PIWIL2: variants seen among roughly 807,000 people sequenced by gnomAD.
PIWIL2 encodes the protein piwi-like protein 2.
Under a neutral mutation model 116.5 loss-of-function variants are expected in PIWIL2, and 81 were observed. That is an observed-to-expected ratio of 0.70 (90% CI 0.58 to 0.84). The LOEUF is 0.84. Among genes scored for constraint, PIWIL2 ranks in the 40% least tolerant of loss-of-function variants. PIWIL2 has a pLI of 0.00. For missense variants in PIWIL2, 1,272 were observed against 1,212.3 expected (o/e 1.05, Z -0.73); for synonymous variants, 489 against 429.5 (o/e 1.14, Z -1.71).
chr8:22,294,020 G>A (rs73225898), intron 10 of PIWIL2, among the ~76,000 whole-genome samples: 4,728 of 152,194 alleles, frequency 0.031, 112 homozygotes, highest in African/African-American at 0.067. Flanking sequence ...GAAAAATATG[G>A]CATGTCTTTC....
At chr8:22,280,717 C>T (rs576359024) in intron 2 of PIWIL2, among the ~76,000 whole-genome samples, 1 of 152,136 alleles carries the variant, frequency 6.6e-6, no homozygotes, top group African/African-American at 2.4e-5. Context: ...AATGTATTAA[C>T]CAGTACACTT....
At chr8:22,277,862 T>C (rs1030105118) in intron 1 of PIWIL2, among the ~76,000 whole-genome samples, 1 of 152,190 alleles carries the variant, frequency 6.6e-6, no homozygotes, top group Admixed American at 6.5e-5. Context: ...ATGATATGGC[T>C]GTGTTAACTA....
intron 10 of PIWIL2, among the ~76,000 whole-genome samples, chr8:22,290,975 T>TATATATATATATATATATATATATATA (rs947701007): frequency 1.1e-4 from 17 of 149,498 alleles, no homozygotes; most frequent in East Asian, 1.9e-4. Flanking sequence ...TGTATATATA[T>TATATATATATATATATATATATATATA]TTTTTTTAAT....
chr8:22,353,278 A>T, intron 21 of PIWIL2, 66 bp downstream of exon 21: 1 of 1,411,772 alleles, frequency 7.1e-7, no homozygotes, highest in Non-Finnish European at 9.8e-7. Flanking sequence ...TTTCCTGAGT[A>T]TTGGAATGGG....
intron 20 of PIWIL2, among the ~76,000 whole-genome samples, chr8:22,338,157 A>G (rs1282316380): frequency 1.3e-5 from 2 of 152,170 alleles, no homozygotes; most frequent in East Asian, 3.9e-4. Flanking sequence ...GGATTGGAAG[A>G]CAATATTGTT....
intron 20 of PIWIL2, among the ~76,000 whole-genome samples, chr8:22,352,595 C>T (rs1384128900): frequency 6.6e-6 from 1 of 152,068 alleles, no homozygotes; most frequent in South Asian, 2.1e-4. Flanking sequence ...TTCTTTGCCC[C>T]GACAGTTATT....
rs761978721 is a variant in PIWIL2, at chr8:22,316,238, A to G, written c.2209-7A>G. 14 of 1,600,504 alleles carry G rather than the reference A, an allele frequency of 8.7e-6. No individual in the cohort carries two copies. In the Admixed American group the frequency reaches 2.2e-4, roughly 25 times the overall value. On this transcript the variant is annotated splice_region_variant and splice_polypyrimidine_tract_variant and intron_variant, in intron 18 of 22. Coordinates refer to ENST00000356766, the MANE Select transcript of PIWIL2 (RefSeq NM_018068.5). ...GGTTTGGTTTTTGTTTTTGTTTTCT[A>G]AACTAGAAACAGTTAATGGTGATCG...
chr8:22,318,767 A>G (rs1038497769), intron 20 of PIWIL2, among the ~76,000 whole-genome samples: 6 of 152,362 alleles, frequency 3.9e-5, no homozygotes, highest in Admixed American at 3.9e-4. Flanking sequence ...CAGCTTGTAC[A>G]GATCAGCTTA....
At chr8:22,309,860 T>C (rs1021261812) in intron 14 of PIWIL2, 101 bp from the exon 15 acceptor site, 34 of 657,528 alleles carry the variant, frequency 5.2e-5, no homozygotes, top group Non-Finnish European at 8.3e-5. Flanking sequence ...CAGGGACAAG[T>C]GTCTGTGGTG....
intron 1 of PIWIL2, among the ~76,000 whole-genome samples, chr8:22,276,690 C>T (rs923774784): frequency 6.6e-6 from 1 of 152,098 alleles, no homozygotes; most frequent in Non-Finnish European, 1.5e-5. Context: ...CACTTGAGGT[C>T]AGCAGTTTGA....
chr8:22,277,771 G>GA (rs369424018), intron 1 of PIWIL2, among the ~76,000 whole-genome samples: 7 of 152,256 alleles, frequency 4.6e-5, no homozygotes, highest in African/African-American at 1.7e-4. Context: ...TCATAGACTG[G>GA]AAAAAAGTTA....
chr8:22,335,543 CTTTTTTTTT>C (rs59166171), intron 20 of PIWIL2, among the ~76,000 whole-genome samples: 1 of 92,220 alleles, frequency 1.1e-5, no homozygotes, highest in African/African-American at 3.8e-5. Context: ...ACAAAATAGA[CTTTTTTTTT>C]TTTTTTTTTT....
chr8:22,337,447 G>A (rs1439940989), intron 20 of PIWIL2, among the ~76,000 whole-genome samples: 2 of 152,100 alleles, frequency 1.3e-5, no homozygotes, highest in African/African-American at 2.4e-5. Flanking sequence ...AAAGATACTA[G>A]GCCAGGCACA....
chr8:22,351,455 ATATAT>A (rs1832356570), intron 20 of PIWIL2, among the ~76,000 whole-genome samples: 1 of 79,714 alleles, frequency 1.3e-5, no homozygotes, highest in Non-Finnish European at 2.3e-5. Flanking sequence ...ATATATATAT[ATATAT>A]ATATATATAT....
At position 22,318,062 on chromosome 8, in the gene PIWIL2, T is replaced by A. The variant is rs190102388; in HGVS notation, c.2298-108T>A. The A allele has an allele frequency of 6.4e-4, 414 of 641,872 alleles. 4 individuals carry two copies. The highest frequency in any genetic ancestry group is 1.1e-3 in the South Asian group (56 of 50,006). The allele number at this position is 641,872 out of a possible 1,614,324, so 39.8% of individuals were successfully genotyped here. On this transcript the variant is annotated intron_variant, in intron 19 of 22. Transcript: ENST00000356766. ...AATGCATTTTCTAGGTACTTGTTTTTGGATTGATTGGTAGAGAAACCTGTG... is the reference window on the plus strand; with the variant it reads ...AATGCATTTTCTAGGTACTTGTTTTAGGATTGATTGGTAGAGAAACCTGTG...
At chr8:22,306,279 G>C (rs765695209) in intron 13 of PIWIL2, among the ~76,000 whole-genome samples, 1 of 152,096 alleles carries the variant, frequency 6.6e-6, no homozygotes, top group African/African-American at 2.4e-5. Context: ...AAAATAAGAA[G>C]AAACAAACAA....
chr8:22,344,825 G>A (rs1478585618), intron 20 of PIWIL2, among the ~76,000 whole-genome samples: 1 of 152,114 alleles, frequency 6.6e-6, no homozygotes, highest in South Asian at 2.1e-4. Flanking sequence ...GCAGTGAGCC[G>A]TGATTGTGCC....
chr8:22,335,253 G>C (rs1831953777), intron 20 of PIWIL2, among the ~76,000 whole-genome samples: 1 of 152,124 alleles, frequency 6.6e-6, no homozygotes, highest in Non-Finnish European at 1.5e-5. Context: ...TAGATGTAAA[G>C]ATCACCTTAT....
intron 10 of PIWIL2, among the ~76,000 whole-genome samples, chr8:22,290,798 C>T (rs1008983119): frequency 2.6e-5 from 4 of 151,622 alleles, no homozygotes; most frequent in East Asian, 3.9e-4. Context: ...ATATATGTGC[C>T]CTCGTCTCTA....
Sources: gnomAD v4.1 joint callset for allele counts (sites outside exome capture counted in the v4.1 genomes callset) on GRCh38, gnomAD v4.1.1 for gene constraint, MANE v1.5 for transcripts, NCBI Gene and HGNC (gene_info 2026-07-23, HGNC 2026-07-21) for gene names.